Variants in WNT9B observed in about 807,000 individuals in gnomAD.
WNT9B encodes the protein protein Wnt-9b.
In WNT9B, 12 loss-of-function variants were observed where a neutral mutation model predicts 30.2. The observed-to-expected ratio is 0.40, with a 90% CI of 0.26 to 0.64. WNT9B has a LOEUF of 0.64. Among genes scored for constraint, WNT9B ranks in the 30% least tolerant of loss-of-function variants. The pLI, the probability that WNT9B is intolerant of heterozygous loss-of-function variation, is 0.42. For missense variants in WNT9B, 442 were observed against 485.2 expected (o/e 0.91, Z 0.84); for synonymous variants, 218 against 216.9 (o/e 1.01, Z -0.05).
chr17:46,841,892 G>T (rs377691269), intron 1 of WNT9B, among the ~76,000 whole-genome samples: 4 of 152,230 alleles, frequency 2.6e-5, no homozygotes, highest in Non-Finnish European at 4.4e-5. Context: ...GCTCCTCTGC[G>T]GTGTGTGGGG....
intron 2 of WNT9B, 86 bp from the exon 3 acceptor site, chr17:46,875,015 C>T (rs2085320581): frequency 1.9e-6 from 3 of 1,606,394 alleles, no homozygotes; most frequent in Admixed American, 1.7e-5. Flanking sequence ...CTCTGGCCCT[C>T]AGAGGGCGGC....
intron 3 of WNT9B, among the ~76,000 whole-genome samples, 172 bp from the exon 4 acceptor site, chr17:46,876,073 G>A (rs150801584): frequency 1.2e-3 from 183 of 152,324 alleles, no homozygotes; most frequent in African/African-American, 4.2e-3. Context: ...GTTCAGTCGC[G>A]TAAGTTGTCT....
exon 5 of WNT9B, chr17:46,886,588 A>G (rs1014707648): frequency 2.4e-4 from 36 of 152,196 alleles, no homozygotes; most frequent in African/African-American, 8.2e-4. Context: ...GCTGTAACCA[A>G]TTAAGCTGTA....
At chr17:46,834,942 A>C (rs1242001475) in intron 1 of WNT9B, among the ~76,000 whole-genome samples, 3 of 152,168 alleles carry the variant, frequency 2.0e-5, no homozygotes, top group African/African-American at 7.2e-5. Flanking sequence ...CCCAGGCAGC[A>C]TCAAACTCCC....
chr17:46,881,652 C>A (rs1318979213), downstream of WNT9B, among the ~76,000 whole-genome samples: 1 of 152,178 alleles, frequency 6.6e-6, no homozygotes, highest in Non-Finnish European at 1.5e-5. Context: ...GCCCGCAGAC[C>A]CCTCCACCTC....
At chr17:46,860,230 C>A (rs570370008) in intron 1 of WNT9B, among the ~76,000 whole-genome samples, 1 of 151,938 alleles carries the variant, frequency 6.6e-6, no homozygotes, top group African/African-American at 2.4e-5. Context: ...TGGCTGAGGA[C>A]GGGAAGGAGG....
rs1211142016 is a variant in WNT9B at position 46,851,669 on chromosome 17, G to A, written c.31G>A (p.Gly11Arg). The change falls in exon 1 of 4, where the codon GGG becomes AGG. Residue 11 changes from glycine to arginine, a missense_variant. Gly to Arg is a moderately radical substitution (Grantham distance 125). Transcript: ENST00000290015. This position sits in a 1 kb window ranked among gnomAD's most constrained non-coding sequence, Gnocchi z 4.3. MRPPPALALA[G>R]LCLLALPAAA... ...CCCCCCGCCCGCGCTGGCCCTGGCCGGGCTCTGCCTGCTGGCGCTGCCCGC... is the reference window on the plus strand; with the variant it reads ...CCCCCCGCCCGCGCTGGCCCTGGCCAGGCTCTGCCTGCTGGCGCTGCCCGC... 1.5e-6 allele frequency: 2 copies of A among 1,301,090 alleles called. No homozygotes were observed. Among genetic ancestry groups the A allele is most frequent in the South Asian group, 2.4e-5 (1 of 42,462 alleles). 80.6% of individuals were successfully genotyped at this position (1,301,090 alleles called of 1,614,324 possible).
intron 1 of WNT9B, among the ~76,000 whole-genome samples, chr17:46,835,257 G>T (rs530129131): frequency 6.6e-6 from 1 of 152,102 alleles, no homozygotes; most frequent in East Asian, 1.9e-4. Context: ...TGTTGCCTAG[G>T]TTTGAGTGCA....
chr17:46,875,108 A>C lies in WNT9B; in HGVS notation c.342A>C (p.Lys114Asn). 6.2e-7 allele frequency: 1 copy of C among 1,613,674 alleles called. No individual in the cohort carries two copies. Among genetic ancestry groups the C allele is most frequent in the Non-Finnish European group, 8.5e-7 (1 of 1,180,010 alleles). The part of the protein sequence containing the change: ...GRMGLLKRGF[K>N]ETAFLYAVSS... ...CCTGGGTGCCCGATCCAGGCTTCAA[A>C]GAGACAGCTTTCCTGTACGCGGTGT... The change falls in exon 3 of 4, where the codon AAA becomes AAC. Residue 114 changes from lysine to asparagine, a missense_variant. Coordinates refer to ENST00000290015, the MANE Select transcript of WNT9B (RefSeq NM_003396.3).
chr17:46,874,639 G>A (rs28377288), intron 2 of WNT9B, among the ~76,000 whole-genome samples: 7,957 of 152,116 alleles, frequency 0.052, 702 homozygotes, highest in African/African-American at 0.18. Flanking sequence ...GTGCAATGGC[G>A]CAATCTCAGC....
At chr17:46,884,206 G>A (rs373944996), downstream of WNT9B, among the ~76,000 whole-genome samples, 4 of 152,220 alleles carry the variant, frequency 2.6e-5, no homozygotes, top group East Asian at 7.7e-4. Flanking sequence ...AATCTCAGCT[G>A]TCTTCATGCA....
At chr17:46,875,476 G>A (rs2085329984) in intron 3 of WNT9B, 110 bp downstream of exon 3, 1 of 1,389,752 alleles carries the variant, frequency 7.2e-7, no homozygotes, top group Middle Eastern at 2.1e-4. Context: ...GAAGAGCCGT[G>A]AACTTCATAA....
chr17:46,836,095 CGTGTGTGTGTGTGTGTGTGT>C (rs59862934), intron 1 of WNT9B, among the ~76,000 whole-genome samples: 2 of 126,434 alleles, frequency 1.6e-5, no homozygotes, highest in Non-Finnish European at 3.2e-5. Context: ...GAGACGCTGA[CGTGTGTGTGTGTGTGTGTGT>C]GTGTGTGTGT....
In WNT9B at chr17:46,875,346, A is replaced by G; in HGVS notation, c.580A>G (p.Asn194Asp). ...CCTGCGGGCACGGGCAGACGCCCAC[A>G]ATACCCACGTGGGCATCAAGGTGAG... is the stretch of plus-strand genomic sequence containing the variant. ...KDLRARADAH[N>D]THVGIKAVKS... The change falls in exon 3 of 4, where the codon AAT becomes GAT. Residue 194 changes from asparagine (N) to aspartate (D), a missense_variant. Transcript: ENST00000290015. The G allele has an allele frequency of 6.2e-7, 1 of 1,608,594 alleles. No homozygotes were observed. The highest frequency in any genetic ancestry group is 8.5e-7 in the Non-Finnish European group (1 of 1,176,224).
chr17:46,858,803 G>C (rs1404785271), intron 1 of WNT9B, among the ~76,000 whole-genome samples: 1 of 151,032 alleles, frequency 6.6e-6, no homozygotes, highest in Non-Finnish European at 1.5e-5. Flanking sequence ...AGTAGCTGGG[G>C]CCACAGGCAT....
At chr17:46,872,386 G>C in intron 1 of WNT9B, 131 bp from the exon 2 acceptor site, 3 of 1,331,090 alleles carry the variant, frequency 2.3e-6, no homozygotes, top group Non-Finnish European at 1.9e-6. Flanking sequence ...AAATGGGGAC[G>C]GGACCTCCAG....
intron 1 of WNT9B, among the ~76,000 whole-genome samples, chr17:46,857,474 CA>C (rs35196121): frequency 0.11 from 10,567 of 94,444 alleles, 241 homozygotes; most frequent in South Asian, 0.15. Context: ...GACTCTGTCT[CA>C]AAAAAAAAAA....
rs1244956602 is a variant in WNT9B, at chr17:46,877,794, T to C, written c.*1076T>C. Among the ~76,000 whole-genome samples, 2 of 152,240 alleles carry C rather than the reference T, an allele frequency of 1.3e-5. No homozygotes were observed. Among genetic ancestry groups the C allele is most frequent in the Non-Finnish European group, 2.9e-5 (2 of 68,046 alleles). ...ACTTGAAGTTACATTTCTATTCTTG[T>C]GGCTGCTCATCTAGTTAAGGCTTTT... On this transcript the variant is annotated 3_prime_UTR_variant, in exon 4 of 4. Coordinates refer to ENST00000290015, the MANE Select transcript of WNT9B (RefSeq NM_003396.3).
intron 1 of WNT9B, among the ~76,000 whole-genome samples, chr17:46,855,973 G>A (rs2084931815): frequency 6.6e-6 from 1 of 152,196 alleles, no homozygotes; most frequent in Non-Finnish European, 1.5e-5. Flanking sequence ...ATAGGTGTGT[G>A]CCACCATGCC....
Sources: gnomAD v4.1 joint callset for allele counts (sites outside exome capture counted in the v4.1 genomes callset) on GRCh38, gnomAD v4.1.1 for gene constraint, Gnocchi (gnomAD v3.1) non-coding constraint, MANE v1.5 for transcripts, NCBI Gene and HGNC (gene_info 2026-07-23, HGNC 2026-07-21) for gene names.